The following GRM8 variants were observed in gnomAD, a reference collection of about 807,000 sequenced individuals.
The protein encoded by GRM8 is metabotropic glutamate receptor 8.
Under a neutral mutation model 87.2 loss-of-function variants are expected in GRM8, and 47 were observed. The observed-to-expected ratio is 0.54, with a 90% CI of 0.43 to 0.69. GRM8 has a LOEUF of 0.69. GRM8 is among the 30% of genes least tolerant of loss of function. The pLI is 0.00. For synonymous variants in GRM8, 396 were observed against 404.5 expected, an observed-to-expected ratio of 0.98 and a Z score of 0.25; for missense variants, 1,019 against 1,139.2, an observed-to-expected ratio of 0.89 and a Z score of 1.52.
At chr7:126,528,939 C>T (rs1375197644) in intron 9 of GRM8, among the ~76,000 whole-genome samples, 1 of 152,162 alleles carries the variant, frequency 6.6e-6, no homozygotes, top group Non-Finnish European at 1.5e-5. Context: ...CCCCTACACT[C>T]TTCTGCCCCT....
chr7:126,947,553 TACAC>T (rs1212554479), intron 3 of GRM8, among the ~76,000 whole-genome samples: 3 of 151,828 alleles, frequency 2.0e-5, no homozygotes, highest in Admixed American at 6.6e-5. Context: ...TGCACACACA[TACAC>T]ACATATATAT....
intron 9 of GRM8, among the ~76,000 whole-genome samples, chr7:126,496,985 T>TTTGC (rs912801240): frequency 2.6e-4 from 39 of 151,504 alleles, no homozygotes; most frequent in African/African-American, 9.4e-4. Context: ...TTTTTTTTTT[T>TTTGC]TGCTGCTGCT....
chr7:126,662,280 T>C (rs991782085), intron 7 of GRM8, among the ~76,000 whole-genome samples: 2 of 152,058 alleles, frequency 1.3e-5, no homozygotes, highest in African/African-American at 4.8e-5. Context: ...ACCAAGTAGA[T>C]TGGGAGTGTG....
intron 9 of GRM8, among the ~76,000 whole-genome samples, chr7:126,485,174 C>T (rs1256690775): frequency 6.6e-6 from 1 of 151,962 alleles, no homozygotes; most frequent in East Asian, 1.9e-4. Flanking sequence ...GTGTTAAGCA[C>T]AAGGTCTCTG....
intron 9 of GRM8, among the ~76,000 whole-genome samples, chr7:126,450,625 A>ATT (rs34548667): frequency 1.2e-4 from 18 of 148,150 alleles, no homozygotes; most frequent in Non-Finnish European, 1.5e-4. Flanking sequence ...ACTAGAAGTG[A>ATT]TTTTTTTTTT....
chr7:127,157,304 A>G (rs929810486), intron 2 of GRM8, among the ~76,000 whole-genome samples: 1 of 152,082 alleles, frequency 6.6e-6, no homozygotes, highest in Admixed American at 6.6e-5. Flanking sequence ...GGGAAAAAAG[A>G]AGTCAAATGT....
intron 2 of GRM8, among the ~76,000 whole-genome samples, chr7:127,188,483 G>A (rs1423017711): frequency 1.3e-5 from 2 of 152,012 alleles, no homozygotes; most frequent in Admixed American, 6.6e-5. Flanking sequence ...TCTCAGCCAA[G>A]TCATTTCCAT....
chr7:126,546,380 A>G (rs144417604), intron 8 of GRM8, among the ~76,000 whole-genome samples: 50 of 152,336 alleles, frequency 3.3e-4, no homozygotes, highest in African/African-American at 1.2e-3. Context: ...GTGCATGACC[A>G]ATAATAGGTA....
intron 6 of GRM8, among the ~76,000 whole-genome samples, chr7:126,890,132 A>T (rs937391062): frequency 6.6e-6 from 1 of 152,144 alleles, no homozygotes; most frequent in African/African-American, 2.4e-5. Context: ...CCATCAAGTG[A>T]CCAATAGCCA....
At chr7:127,231,035 C>T (rs905745160) in intron 2 of GRM8, among the ~76,000 whole-genome samples, 3 of 152,202 alleles carry the variant, frequency 2.0e-5, no homozygotes, top group African/African-American at 7.2e-5. Flanking sequence ...CCCTCAACTA[C>T]AGTACAAGTA....
chr7:126,878,519 C>CTTTT (rs35669727), intron 6 of GRM8, among the ~76,000 whole-genome samples: 27 of 131,040 alleles, frequency 2.1e-4, no homozygotes, highest in African/African-American at 3.7e-4. Flanking sequence ...TCGTCTTCTT[C>CTTTT]TTTTTTTTTT....
At chr7:127,049,022 G>A (rs146205249) in intron 3 of GRM8, among the ~76,000 whole-genome samples, 187 of 152,192 alleles carry the variant, frequency 1.2e-3, no homozygotes, top group African/African-American at 4.0e-3. Flanking sequence ...CTAGAGGCTC[G>A]CCATTATATT....
At chr7:127,198,091 T>C (rs974518054) in intron 2 of GRM8, among the ~76,000 whole-genome samples, 1 of 152,208 alleles carries the variant, frequency 6.6e-6, no homozygotes, top group East Asian at 1.9e-4. Flanking sequence ...TTTTGTATTT[T>C]TGATATAATT....
intron 9 of GRM8, among the ~76,000 whole-genome samples, chr7:126,518,912 T>C (rs1332678615): frequency 1.3e-5 from 2 of 152,064 alleles, no homozygotes; most frequent in African/African-American, 4.8e-5. Flanking sequence ...ACTTCCTTAA[T>C]CAAGTCCACA....
chr7:126,587,991 C>A (rs1796321998), intron 8 of GRM8, among the ~76,000 whole-genome samples: 1 of 151,722 alleles, frequency 6.6e-6, no homozygotes, highest in African/African-American at 2.4e-5. Context: ...CATATGACAA[C>A]TGCGGTCTCC....
intron 3 of GRM8, among the ~76,000 whole-genome samples, chr7:126,924,890 A>T (rs1804928483): frequency 6.6e-6 from 1 of 152,190 alleles, no homozygotes; most frequent in Non-Finnish European, 1.5e-5. Flanking sequence ...ATACTCCAGG[A>T]AAACAAGTCC....
chr7:126,852,898 C>G (rs1402390671), intron 6 of GRM8, among the ~76,000 whole-genome samples: 1 of 151,676 alleles, frequency 6.6e-6, no homozygotes, highest in Admixed American at 6.6e-5. Flanking sequence ...TTGGATTGTC[C>G]TTGATCATAA....
At chr7:126,709,263 T>C (rs1352491294) in intron 7 of GRM8, among the ~76,000 whole-genome samples, 3 of 152,162 alleles carry the variant, frequency 2.0e-5, no homozygotes, top group Middle Eastern at 3.4e-3. Flanking sequence ...ATAGCTGCTA[T>C]GAAAAAGACA....
intron 7 of GRM8, among the ~76,000 whole-genome samples, chr7:126,636,888 T>C (rs1801911071): frequency 6.6e-6 from 1 of 152,132 alleles, no homozygotes; most frequent in African/African-American, 2.4e-5. Context: ...TTAGGTTCTT[T>C]TTTCATTTTA....
Sources: allele counts gnomAD v4.1 joint callset (sites outside exome capture counted in the v4.1 genomes callset), GRCh38; gene constraint gnomAD v4.1.1; transcripts MANE v1.5; gene names NCBI Gene and HGNC (gene_info 2026-07-23, HGNC 2026-07-21).